TMC1: variants seen among roughly 807,000 people sequenced by gnomAD.
TMC1 encodes the protein transmembrane channel-like protein 1.
In TMC1, 84 loss-of-function variants were observed where a neutral mutation model predicts 105.8. That is an observed-to-expected ratio of 0.79 (90% CI 0.67 to 0.95). The LOEUF is 0.95. Ranked by LOEUF, TMC1 falls within the 40% of genes least tolerant of loss-of-function variation. The pLI is 0.00. For missense variants in TMC1, 817 were observed against 914.1 expected, an observed-to-expected ratio of 0.89 and a Z score of 1.37; for synonymous variants, 315 against 311.5, an observed-to-expected ratio of 1.01 and a Z score of -0.12.
chr9:72,663,882 A>AT, intron 5 of TMC1, among the ~76,000 whole-genome samples: 1 of 152,010 alleles, frequency 6.6e-6, no homozygotes, highest in East Asian at 1.9e-4. Context: ...TTCTATTTTC[A>AT]TTTTTTCCCT....
chr9:72,601,372 G>A (rs544849634), intron 2 of TMC1, among the ~76,000 whole-genome samples: 6 of 150,728 alleles, frequency 4.0e-5, no homozygotes, highest in Admixed American at 1.3e-4. Flanking sequence ...GGCCAGGTGC[G>A]GTGGCTCATG....
At chr9:72,580,918 A>G (rs900220237) in intron 2 of TMC1, among the ~76,000 whole-genome samples, 1 of 152,194 alleles carries the variant, frequency 6.6e-6, no homozygotes, top group Non-Finnish European at 1.5e-5. Flanking sequence ...CAAACCTGAG[A>G]TGCTAGCATG....
intron 1 of TMC1, among the ~76,000 whole-genome samples, chr9:72,560,520 G>T (rs749683874): frequency 4.0e-5 from 6 of 151,648 alleles, no homozygotes; most frequent in Admixed American, 3.3e-4. Flanking sequence ...TTTTTTTGAG[G>T]CCAAGTCTCT....
intron 17 of TMC1, among the ~76,000 whole-genome samples, chr9:72,804,024 T>A (rs1022251223): frequency 6.6e-6 from 1 of 152,198 alleles, no homozygotes; most frequent in African/African-American, 2.4e-5. Flanking sequence ...AAATGTGCTA[T>A]ATGTACACCA....
intron 12 of TMC1, among the ~76,000 whole-genome samples, chr9:72,767,660 TAG>T (rs1827861167): frequency 1.3e-5 from 2 of 152,134 alleles, no homozygotes; most frequent in Admixed American, 6.5e-5. Flanking sequence ...AAACAGAAAT[TAG>T]AGTCTTAATA....
At chr9:72,734,145 C>A (rs1827259933) in intron 8 of TMC1, among the ~76,000 whole-genome samples, 1 of 152,144 alleles carries the variant, frequency 6.6e-6, no homozygotes, top group Non-Finnish European at 1.5e-5. Flanking sequence ...CATCATGCTA[C>A]TCAGGACAGC....
intron 1 of TMC1, among the ~76,000 whole-genome samples, chr9:72,554,955 T>G (rs1177017126): frequency 1.3e-5 from 2 of 152,140 alleles, no homozygotes; most frequent in Non-Finnish European, 1.5e-5. Flanking sequence ...CTCAGCTCAC[T>G]GCAATCTCTG....
chr9:72,574,556 A>T (rs1330808992), intron 1 of TMC1, among the ~76,000 whole-genome samples: 2 of 152,210 alleles, frequency 1.3e-5, no homozygotes, highest in African/African-American at 4.8e-5. Flanking sequence ...TCCCCTGGTA[A>T]TATGGAATTA....
At chr9:72,575,745 G>A (rs1053606228) in intron 1 of TMC1, among the ~76,000 whole-genome samples, 12 of 152,276 alleles carry the variant, frequency 7.9e-5, no homozygotes, top group Admixed American at 5.2e-4. Flanking sequence ...CTGGGTCCTT[G>A]ATCTGGTCTT....
At chr9:72,645,566 T>C (rs1825696644) in intron 4 of TMC1, among the ~76,000 whole-genome samples, 1 of 152,144 alleles carries the variant, frequency 6.6e-6, no homozygotes, top group Admixed American at 6.5e-5. Flanking sequence ...CAAAGAACAA[T>C]AATATCTCTC....
chr9:72,802,274 C>T (rs1828487924), intron 17 of TMC1, among the ~76,000 whole-genome samples: 2 of 151,902 alleles, frequency 1.3e-5, no homozygotes, highest in South Asian at 4.1e-4. Flanking sequence ...TACATACATA[C>T]ATACATACAT....
rs753934157 is a variant in TMC1 at position 72,820,892 on chromosome 9, T to C, written c.1814T>C (p.Leu605Pro). The C allele has an allele frequency of 1.4e-5, 22 of 1,614,214 alleles. No homozygotes were observed. The highest frequency in any genetic ancestry group is 1.4e-5 in the Non-Finnish European group (17 of 1,180,034). Residue 605 changes from leucine to proline, a missense_variant, in exon 20 of 24, where the codon CTC becomes CCC. Coordinates refer to ENST00000297784, the MANE Select transcript of TMC1 (RefSeq NM_138691.3). Reference protein sequence around the residue: ...PSLPGINILRLHTSMYFQCWA... With the variant: ...PSLPGINILRPHTSMYFQCWA... ...CTCCCAGGCATCAATATCCTTCGAC[T>C]CCATACATCCATGTACTTCCAGTGC...
intron 12 of TMC1, among the ~76,000 whole-genome samples, chr9:72,763,537 GA>G (rs1827787086): frequency 6.6e-6 from 1 of 152,220 alleles, no homozygotes; most frequent in South Asian, 2.1e-4. Flanking sequence ...TTTTCTCTGA[GA>G]AAGTAATGTT....
At chr9:72,698,879 C>T (rs529244862) in intron 7 of TMC1, among the ~76,000 whole-genome samples, 7 of 152,136 alleles carry the variant, frequency 4.6e-5, no homozygotes, top group South Asian at 4.1e-4. Flanking sequence ...ATGGCAAGGA[C>T]GCTCAGCTCC....
intron 8 of TMC1, among the ~76,000 whole-genome samples, chr9:72,704,151 C>T (rs755188280): frequency 6.6e-6 from 1 of 152,078 alleles, no homozygotes; most frequent in Non-Finnish European, 1.5e-5. Context: ...ACTTTGAGAG[C>T]GTGTTTCTAA....
At chr9:72,699,778 G>C (rs926207653) in intron 7 of TMC1, among the ~76,000 whole-genome samples, 1 of 151,716 alleles carries the variant, frequency 6.6e-6, no homozygotes, top group Non-Finnish European at 1.5e-5. Flanking sequence ...CCAACGTGGT[G>C]AAACTCTGTC....
At chr9:72,561,603 C>T (rs1311157885) in intron 1 of TMC1, among the ~76,000 whole-genome samples, 1 of 152,188 alleles carries the variant, frequency 6.6e-6, no homozygotes, top group Non-Finnish European at 1.5e-5. Flanking sequence ...GCACTGTTTT[C>T]AGCTTAAGTC....
chr9:72,772,640 G>T, intron 13 of TMC1, 85 bp downstream of exon 13: 1 of 1,573,104 alleles, frequency 6.4e-7, no homozygotes, highest in Non-Finnish European at 8.7e-7. Context: ...ATATAATTTT[G>T]TTGCTATTTT....
intron 8 of TMC1, among the ~76,000 whole-genome samples, chr9:72,718,021 T>G (rs1826951833): frequency 6.6e-6 from 1 of 152,044 alleles, no homozygotes; most frequent in African/African-American, 2.4e-5. Context: ...ACATTTTGCA[T>G]TTCTCTGTGT....
Sources: gnomAD v4.1 joint callset for allele counts (sites outside exome capture counted in the v4.1 genomes callset) on GRCh38, gnomAD v4.1.1 for gene constraint, MANE v1.5 for transcripts, NCBI Gene and HGNC (gene_info 2026-07-23, HGNC 2026-07-21) for gene names.